NECAB1: variants seen among roughly 807,000 people sequenced by gnomAD.
NECAB1 encodes N-terminal EF-hand calcium-binding protein 1.
NECAB1 carries 29 observed loss-of-function variants against 57.5 expected under a neutral mutation model. The observed-to-expected ratio is 0.50, with a 90% confidence interval of 0.38 to 0.69. NECAB1 has a LOEUF of 0.69. Among genes scored for constraint, NECAB1 ranks in the 30% least tolerant of loss-of-function variants. NECAB1 has a pLI of 0.00. For synonymous variants in NECAB1, 142 were observed against 147.7 expected, an observed-to-expected ratio of 0.96 and a Z score of 0.28; for missense variants, 372 against 413.8, an observed-to-expected ratio of 0.90 and a Z score of 0.88.
rs1554575432 is a variant in NECAB1, at chr8:90,917,870, A to ATATATATATATATATGTGTGTG, written c.494+243_494+244insATATATATATATATGTGTGTGT. On this transcript the variant is annotated intron_variant, in intron 6 of 12. Transcript: ENST00000417640. ...TATATATATATATATATATATATAT[A>ATATATATATATATATGTGTGTG]TGTGTGTGTGTGCGTGTATATATAT... Among the ~76,000 whole-genome samples, 28 of 64,330 alleles carry ATATATATATATATATGTGTGTG rather than the reference A, an allele frequency of 4.4e-4. No homozygotes were observed. In the East Asian group the frequency reaches 4.6e-3, roughly 11 times the overall value. 42.2% of individuals were successfully genotyped at this position (64,330 alleles called of 152,430 possible).
intron 5 of NECAB1, among the ~76,000 whole-genome samples, chr8:90,905,465 T>G (rs1386112): frequency 6.6e-6 from 1 of 151,954 alleles, no homozygotes; most frequent in South Asian, 2.1e-4. Flanking sequence ...CCTGCACAGT[T>G]AATAGCCACA....
intron 6 of NECAB1, among the ~76,000 whole-genome samples, chr8:90,925,151 T>C (rs2130164096): frequency 6.6e-6 from 1 of 152,172 alleles, no homozygotes; most frequent in South Asian, 2.1e-4. Flanking sequence ...CCTAAAAATA[T>C]ATGGATGTAT....
chr8:90,878,906 C>CCTCT lies in NECAB1; in HGVS notation c.260-2118_260-2115dup, dbSNP rs60624653. 9.5e-3 allele frequency among the ~76,000 whole-genome samples: 1,403 copies of CCTCT among 147,066 alleles called. 21 individuals carry two copies. Among genetic ancestry groups the CCTCT allele is most frequent in the African/African-American group, 0.032 (1,292 of 39,848 alleles). ...ATATTTATTTTAAAAAGAGGCTTTA[C>CCTCT]CTCTCTCTCTCTATATATATATATA... On this transcript the variant is annotated intron_variant, in intron 4 of 12. Coordinates refer to ENST00000417640, the MANE Select transcript of NECAB1 (RefSeq NM_022351.5).
intron 10 of NECAB1, among the ~76,000 whole-genome samples, chr8:90,947,406 CTTTTTTTTTTTT>C (rs1268148497): frequency 1.6e-4 from 16 of 98,258 alleles, no homozygotes; most frequent in Non-Finnish European, 3.0e-4. Flanking sequence ...TTTTTTTTTT[CTTTTTTTTTTTT>C]CAGAAAGAAT....
At chr8:90,853,152 C>A (rs925478101) in intron 3 of NECAB1, among the ~76,000 whole-genome samples, 1 of 152,256 alleles carries the variant, frequency 6.6e-6, no homozygotes, top group African/African-American at 2.4e-5. Context: ...CTCCTGTAAC[C>A]GCTCACCTGC....
At chr8:90,945,248 A>T (rs576706284) in intron 10 of NECAB1, among the ~76,000 whole-genome samples, 1 of 151,358 alleles carries the variant, frequency 6.6e-6, no homozygotes, top group African/African-American at 2.4e-5. Flanking sequence ...TTTGTATTTT[A>T]GTAGAGACAG....
intron 2 of NECAB1, among the ~76,000 whole-genome samples, chr8:90,804,071 C>A (rs1254323198): frequency 6.6e-6 from 1 of 152,262 alleles, no homozygotes; most frequent in Non-Finnish European, 1.5e-5. Flanking sequence ...GCCAAGCGTG[C>A]CTCTCTAAGG....
At chr8:90,953,031 C>T (rs933462459) in intron 12 of NECAB1, among the ~76,000 whole-genome samples, 17 of 152,114 alleles carry the variant, frequency 1.1e-4, no homozygotes, top group African/African-American at 3.6e-4. Context: ...TATTGGTCTT[C>T]GGTCAAAATT....
intron 1 of NECAB1, among the ~76,000 whole-genome samples, chr8:90,795,708 T>TCTCACA (rs551150301): frequency 4.7e-5 from 7 of 147,764 alleles, no homozygotes; most frequent in South Asian, 2.2e-4. Context: ...CTCATCTCTC[T>TCTCACA]CACACACACA....
chr8:90,846,491 C>T (rs1586054006), intron 3 of NECAB1, among the ~76,000 whole-genome samples: 1 of 152,294 alleles, frequency 6.6e-6, no homozygotes, highest in Non-Finnish European at 1.5e-5. Context: ...GTTGTACAAG[C>T]CTCAAAAAGC....
At chr8:90,866,825 C>T (rs1195220256) in intron 3 of NECAB1, among the ~76,000 whole-genome samples, 1 of 152,126 alleles carries the variant, frequency 6.6e-6, no homozygotes, top group African/African-American at 2.4e-5. Context: ...TTAGTTCAAC[C>T]ATTGTGGAAG....
intron 6 of NECAB1, among the ~76,000 whole-genome samples, chr8:90,922,345 T>C (rs1275413641): frequency 6.6e-6 from 1 of 152,120 alleles, no homozygotes; most frequent in Non-Finnish European, 1.5e-5. Context: ...TAGTTGTCTA[T>C]TATAGAAGTG....
At chr8:90,822,253 C>T (rs1354480922) in intron 2 of NECAB1, among the ~76,000 whole-genome samples, 3 of 151,846 alleles carry the variant, frequency 2.0e-5, no homozygotes, top group Non-Finnish European at 4.4e-5. Context: ...GTTTCTAATA[C>T]AAATTTATAA....
chr8:90,885,975 AGAT>A (rs1808974695), intron 5 of NECAB1, among the ~76,000 whole-genome samples: 1 of 152,242 alleles, frequency 6.6e-6, no homozygotes, highest in Non-Finnish European at 1.5e-5. Context: ...AGACAGAAGC[AGAT>A]GATAATTAAA....
intron 3 of NECAB1, among the ~76,000 whole-genome samples, chr8:90,852,538 T>C (rs1812704414): frequency 1.3e-5 from 2 of 152,118 alleles, no homozygotes; most frequent in African/African-American, 4.8e-5. Flanking sequence ...CATCCTTGTT[T>C]TCCCATTCAA....
rs1445325929 is a variant in NECAB1, at chr8:90,915,585, T to C, written c.358-1907T>C. Among the ~76,000 whole-genome samples the C allele has an allele frequency of 3.3e-5, 5 of 152,310 alleles. No homozygotes were observed. The East Asian group carries it at 9.6e-4, about 29-fold the overall frequency. On this transcript the variant is annotated intron_variant, in intron 5 of 12. Coordinates refer to ENST00000417640, the MANE Select transcript of NECAB1 (RefSeq NM_022351.5). Reference sequence around the variant, plus strand: ...GGTAGATGTATTGGTCAGGGTTCTCTAGAGGGACAGAAATAATAGGATAGA... The same window carrying C: ...GGTAGATGTATTGGTCAGGGTTCTCCAGAGGGACAGAAATAATAGGATAGA...
intron 5 of NECAB1, among the ~76,000 whole-genome samples, chr8:90,892,252 G>T (rs1486772343): frequency 6.8e-6 from 1 of 146,744 alleles, no homozygotes; most frequent in Non-Finnish European, 1.5e-5. Flanking sequence ...GGTGGGTGAG[G>T]GGTTAATACA....
In NECAB1 at chr8:90,872,131, T is replaced by C. The variant is rs778064961; in HGVS notation, c.237T>C (p.Asn79=). The change falls in exon 4 of 13, where the codon AAT becomes AAC. Residue 79 remains asparagine, a synonymous_variant. Transcript: ENST00000417640. ...FHTIDTHNTN[N]LDTEELCEYF... The stretch of plus-strand genomic sequence containing the variant: ...TTTTTTTGTTTCATCTTTTCAGTAA[T>C]CTTGACACAGAAGAGCTATGTGGTA... 3.9e-6 allele frequency: 6 copies of C among 1,547,248 alleles called. No homozygotes were observed. Among genetic ancestry groups the C allele is most frequent in the African/African-American group, 1.4e-5 (1 of 73,216 alleles).
At chr8:90,949,100 G>C (rs1246859909) in intron 10 of NECAB1, among the ~76,000 whole-genome samples, 10 of 151,226 alleles carry the variant, frequency 6.6e-5, no homozygotes, top group Admixed American at 6.6e-4. Context: ...TTGCAATTAT[G>C]GCCAGAATAT....
Sources: gnomAD v4.1 joint callset for allele counts (sites outside exome capture counted in the v4.1 genomes callset) on GRCh38, gnomAD v4.1.1 for gene constraint, MANE v1.5 for transcripts, NCBI Gene and HGNC (gene_info 2026-07-23, HGNC 2026-07-21) for gene names.